The following COL11A1 variants were observed in gnomAD, a reference collection of about 807,000 sequenced individuals.
The protein encoded by COL11A1 is collagen alpha-1(XI) chain.
COL11A1 carries 74 observed loss-of-function variants against 265.2 expected under a neutral mutation model. That is an observed-to-expected ratio of 0.28 (90% CI 0.23 to 0.34). The LOEUF (loss-of-function observed/expected upper bound fraction) is 0.34. Among genes scored for constraint, COL11A1 ranks in the 10% least tolerant of loss-of-function variants. The pLI is 1.00. For missense variants in COL11A1, 2,165 were observed against 2,263.6 expected (o/e 0.96, Z 0.88); for synonymous variants, 816 against 727.6 (o/e 1.12, Z -1.96).
intron 3 of COL11A1, among the ~76,000 whole-genome samples, chr1:103,075,075 AT>A (rs1671873115): frequency 6.6e-6 from 1 of 152,070 alleles, no homozygotes; most frequent in Non-Finnish European, 1.5e-5. Context: ...CAAAAGCTTA[AT>A]CTCACTGTGT....
intron 54 of COL11A1, among the ~76,000 whole-genome samples, chr1:102,904,111 C>T (rs1387683921): frequency 6.6e-6 from 1 of 152,142 alleles, no homozygotes; most frequent in Non-Finnish European, 1.5e-5. Context: ...GATCCTCTTG[C>T]TTCAGCCTCT....
chr1:103,073,594 A>T (rs1671744274), intron 4 of COL11A1, among the ~76,000 whole-genome samples: 1 of 151,812 alleles, frequency 6.6e-6, no homozygotes, highest in Admixed American at 6.6e-5. Context: ...GCTTTGGTAC[A>T]CACTAGTGGA....
At chr1:102,970,378 C>A (rs1661849618) in intron 36 of COL11A1, 106 bp from the exon 37 acceptor site, 4 of 805,846 alleles carry the variant, frequency 5.0e-6, no homozygotes, top group South Asian at 3.5e-5. Flanking sequence ...TTTCCATTAG[C>A]TATTTTACTT....
At chr1:103,097,512 A>C (rs1379938471) in intron 1 of COL11A1, among the ~76,000 whole-genome samples, 2 of 151,892 alleles carry the variant, frequency 1.3e-5, no homozygotes, top group East Asian at 3.9e-4. Context: ...TTCTCCAGGA[A>C]CCATACACCT....
intron 46 of COL11A1, among the ~76,000 whole-genome samples, chr1:102,933,198 C>T (rs1657704374): frequency 7.0e-6 from 1 of 143,786 alleles, no homozygotes; most frequent in East Asian, 2.0e-4. Flanking sequence ...TTTTTCTGTT[C>T]TGTTTTTTCC....
At chr1:103,105,840 G>A (rs1674650566) in intron 1 of COL11A1, among the ~76,000 whole-genome samples, 1 of 152,086 alleles carries the variant, frequency 6.6e-6, no homozygotes, top group South Asian at 2.1e-4. Context: ...TTAATTAAGG[G>A]ATAAGAATGC....
rs780633786 is a variant in COL11A1 at position 102,913,739 on chromosome 1, A to C, written c.3979-49T>G. 2.6e-6 allele frequency: 4 copies of C among 1,516,850 alleles called. No individual in the cohort carries two copies. In the Admixed American group the frequency reaches 6.7e-5, roughly 25 times the overall value. 94.0% of individuals were successfully genotyped at this position (1,516,850 alleles called of 1,614,324 possible). A position where few individuals can be genotyped will look rare whatever the true frequency, so the allele number is the denominator to read the frequency against. ...AGCAAGATATATCTCAGTATCAATA[A>C]ATCACACTACTTATCAGGAAAAAAG... is the stretch of plus-strand genomic sequence containing the variant. On this transcript the variant is annotated intron_variant, in intron 52 of 66. Coordinates refer to ENST00000370096, the MANE Select transcript of COL11A1 (RefSeq NM_001854.4).
intron 1 of COL11A1, among the ~76,000 whole-genome samples, chr1:103,086,568 C>T (rs1054985837): frequency 2.0e-5 from 3 of 152,122 alleles, no homozygotes; most frequent in African/African-American, 7.2e-5. Context: ...AGGCGCCCGC[C>T]ACCACGCCCG....
intron 4 of COL11A1, among the ~76,000 whole-genome samples, chr1:103,052,673 C>T (rs1669922391): frequency 1.3e-5 from 2 of 152,172 alleles, no homozygotes; most frequent in African/African-American, 4.8e-5. Flanking sequence ...TTTTGAATAA[C>T]ATATGCTATC....
At chr1:103,031,679 T>G (rs1668007464) in intron 4 of COL11A1, among the ~76,000 whole-genome samples, 1 of 152,028 alleles carries the variant, frequency 6.6e-6, no homozygotes, top group Non-Finnish European at 1.5e-5. Context: ...GAATTATTGT[T>G]AGGAAATTTA....
At chr1:102,976,591 G>A (rs1210082570) in intron 35 of COL11A1, among the ~76,000 whole-genome samples, 3 of 151,920 alleles carry the variant, frequency 2.0e-5, no homozygotes, top group Non-Finnish European at 2.9e-5. Context: ...GAGCCATCGC[G>A]CCTGGCTGGC....
At chr1:102,938,079 G>A (rs1380574745) in intron 44 of COL11A1, among the ~76,000 whole-genome samples, 2 of 152,066 alleles carry the variant, frequency 1.3e-5, no homozygotes, top group African/African-American at 4.8e-5. Context: ...TTTCATTCTA[G>A]TGTTTTCTTT....
intron 35 of COL11A1, among the ~76,000 whole-genome samples, chr1:102,975,950 T>C (rs1174915652): frequency 2.6e-5 from 4 of 152,104 alleles, no homozygotes. Flanking sequence ...CAAAGTTATA[T>C]ATAAAGTTAA....
At chr1:102,974,775 T>C (rs1662304951) in intron 36 of COL11A1, 55 bp downstream of exon 36, 2 of 1,372,548 alleles carry the variant, frequency 1.5e-6, no homozygotes, top group East Asian at 2.3e-5. Context: ...GCTGTGACTC[T>C]CAAAAATGTA....
chr1:102,882,917 T>C (rs1650437353), intron 64 of COL11A1, among the ~76,000 whole-genome samples: 1 of 152,130 alleles, frequency 6.6e-6, no homozygotes, highest in South Asian at 2.1e-4. Context: ...GGCACTAAAA[T>C]TTGAGATTCA....
At chr1:103,008,993 A>G (rs751265164) in intron 14 of COL11A1, among the ~76,000 whole-genome samples, 8 of 152,236 alleles carry the variant, frequency 5.3e-5, no homozygotes, top group Non-Finnish European at 8.8e-5. Flanking sequence ...TAAAATGGCA[A>G]GAACCTGGTG....
chr1:103,031,956 C>T (rs2101999911), intron 4 of COL11A1, among the ~76,000 whole-genome samples: 1 of 151,894 alleles, frequency 6.6e-6, no homozygotes, highest in South Asian at 2.1e-4. Context: ...ATAGAATTAC[C>T]TAAAGAGTTT....
intron 65 of COL11A1, 72 bp from the exon 66 acceptor site, chr1:102,879,988 G>GT: frequency 3.7e-5 from 37 of 1,011,528 alleles, no homozygotes; most frequent in Non-Finnish European, 5.2e-5. Flanking sequence ...TTAAATCACT[G>GT]CAGACAGTGA....
intron 1 of COL11A1, among the ~76,000 whole-genome samples, chr1:103,098,219 G>A (rs1230096607): frequency 6.6e-6 from 1 of 151,896 alleles, no homozygotes; most frequent in African/African-American, 2.4e-5. Context: ...ATTGTAATTA[G>A]TTGATCTCCT....
Sources: gnomAD v4.1 joint callset for allele counts (sites outside exome capture counted in the v4.1 genomes callset) on GRCh38, gnomAD v4.1.1 for gene constraint, MANE v1.5 for transcripts, NCBI Gene and HGNC (gene_info 2026-07-23, HGNC 2026-07-21) for gene names.